Variants in ADCY7 observed in about 807,000 individuals in gnomAD.
The protein encoded by ADCY7 is adenylate cyclase type 7.
A neutral mutation model predicts 120.6 loss-of-function variants in ADCY7; 72 were observed. The observed-to-expected ratio is 0.60, with a 90% CI of 0.49 to 0.73. ADCY7 has a LOEUF of 0.73. Ranked by LOEUF, ADCY7 falls within the 30% of genes least tolerant of loss-of-function variation. The probability of loss-of-function intolerance (pLI) is 0.00; values close to 1 mark genes in which losing one functional copy is unlikely to be tolerated. For synonymous variants in ADCY7, 661 were observed against 628.0 expected (o/e 1.05, Z -0.78); for missense variants, 1,227 against 1,486.0 (o/e 0.83, Z 2.87).
At chr16:50,277,292 G>A (rs2033956709) in intron 1 of ADCY7, among the ~76,000 whole-genome samples, 1 of 152,110 alleles carries the variant, frequency 6.6e-6, no homozygotes, top group Non-Finnish European at 1.5e-5. Flanking sequence ...TTTCATACTT[G>A]TGACAATGTT....
upstream of ADCY7, among the ~76,000 whole-genome samples, chr16:50,262,149 G>C (rs114399545): frequency 7.5e-3 from 1,149 of 152,200 alleles, 15 homozygotes; most frequent in African/African-American, 0.026. Context: ...CCTACTGACT[G>C]TTTCATGGCC....
intron 22 of ADCY7, chr16:50,313,664 G>A (rs1392009009): frequency 5.8e-6 from 2 of 346,258 alleles, no homozygotes; most frequent in African/African-American, 4.2e-5. Context: ...TTCTTTGCTG[G>A]AGACAAAGAA....
intron 1 of ADCY7, among the ~76,000 whole-genome samples, chr16:50,249,907 G>T (rs1351832529): frequency 6.6e-6 from 1 of 150,580 alleles, no homozygotes; most frequent in African/African-American, 2.5e-5. Flanking sequence ...TGCAGAGGGA[G>T]CCCCTGTTCA....
intron 24 of ADCY7, 163 bp from the exon 25 acceptor site, chr16:50,314,851 C>T: frequency 3.2e-6 from 3 of 933,362 alleles, no homozygotes; most frequent in Non-Finnish European, 4.8e-6. Context: ...CCTCATACCC[C>T]AAGCCCGACT....
At chr16:50,251,684 G>A (rs1322009507) in intron 1 of ADCY7, among the ~76,000 whole-genome samples, 1 of 152,268 alleles carries the variant, frequency 6.6e-6, no homozygotes, top group Non-Finnish European at 1.5e-5. Context: ...ACCGGTGGAA[G>A]CTCGGCAGGG....
intron 10 of ADCY7, among the ~76,000 whole-genome samples, 193 bp downstream of exon 10, chr16:50,301,407 C>G (rs111981224): frequency 6.6e-6 from 1 of 152,212 alleles, no homozygotes; most frequent in African/African-American, 2.4e-5. Context: ...GGCCTCCATT[C>G]TTTTCTATGT....
chr16:50,306,996 G>T lies in ADCY7; in HGVS notation c.1753-54G>T. Reference sequence around the variant, plus strand: ...TTTAAAGCTGATTCACTGGAGGCAGGGTGGGCAAGTGGCACTGCTGGTGGC... The same window carrying T: ...TTTAAAGCTGATTCACTGGAGGCAGTGTGGGCAAGTGGCACTGCTGGTGGC... On this transcript the variant is annotated intron_variant, in intron 14 of 25. Coordinates refer to ENST00000673801, the MANE Select transcript of ADCY7 (RefSeq NM_001114.5). 4 of 1,405,258 alleles carry T rather than the reference G, an allele frequency of 2.8e-6. No homozygotes were observed. The South Asian group carries it at 4.7e-5, about 16-fold the overall frequency. The allele number at this position is 1,405,258 out of a possible 1,614,324, so 87.0% of individuals were successfully genotyped here.
chr16:50,268,065 G>A (rs2033332634), intron 1 of ADCY7, among the ~76,000 whole-genome samples: 1 of 152,072 alleles, frequency 6.6e-6, no homozygotes, highest in Non-Finnish European at 1.5e-5. Flanking sequence ...TGGAGGTAGC[G>A]TCTCCGGTGG....
chr16:50,268,013 T>A (rs930644877), intron 1 of ADCY7, among the ~76,000 whole-genome samples: 1 of 152,154 alleles, frequency 6.6e-6, no homozygotes, highest in Non-Finnish European at 1.5e-5. Context: ...TCTCAGATTG[T>A]TCCAGATTCT....
At chr16:50,309,138 G>T (rs1277901535) in intron 17 of ADCY7, 1 of 323,706 alleles carries the variant, frequency 3.1e-6, no homozygotes, top group East Asian at 5.7e-5. Context: ...GCTCAGTGCT[G>T]CAGAAAGCAG....
rs1404286118 is a variant in ADCY7, at chr16:50,317,828, ATTTCTCCTGAGTTAACT to A, written c.*2327_*2343del. The A allele has an allele frequency of 6.6e-6, 1 of 152,346 alleles. No individual in the cohort carries two copies. Among genetic ancestry groups the A allele is most frequent in the Non-Finnish European group, 1.5e-5 (1 of 68,028 alleles). 9.4% of individuals were successfully genotyped at this position (152,346 alleles called of 1,614,324 possible). On this transcript the variant is annotated 3_prime_UTR_variant, in exon 26 of 26. Coordinates refer to ENST00000673801, the MANE Select transcript of ADCY7 (RefSeq NM_001114.5). ...TCCATGGGTCAAGGACTTCCTTACA[ATTTCTCCTGAGTTAACT>A]TTTGTGAAAATAATACCTAAGGTTT...
chr16:50,288,457 T>G, intron 2 of ADCY7, 107 bp downstream of exon 2: 3 of 1,218,184 alleles, frequency 2.5e-6, no homozygotes, highest in Non-Finnish European at 3.3e-6. Flanking sequence ...TAAAATGCTA[T>G]GCTTTTTTGT....
At chr16:50,260,802 C>T (rs1041617234) in intron 1 of ADCY7, among the ~76,000 whole-genome samples, 1 of 152,170 alleles carries the variant, frequency 6.6e-6, no homozygotes. Context: ...GCTTGAGTGT[C>T]CTCGAGCCAT....
chr16:50,272,762 T>A (rs1381966326), intron 1 of ADCY7, among the ~76,000 whole-genome samples: 1 of 152,076 alleles, frequency 6.6e-6, no homozygotes, highest in Non-Finnish European at 1.5e-5. Context: ...TAGGCTGGGA[T>A]GAGACCTCCT....
In ADCY7 at chr16:50,288,277, C is replaced by T. The variant is rs982870279; in HGVS notation, c.98C>T (p.Pro33Leu). 6.4e-6 allele frequency: 10 copies of T among 1,551,020 alleles called. No homozygotes were observed. The highest frequency in any genetic ancestry group is 7.8e-6 in the Non-Finnish European group (9 of 1,146,940). Residue 33 changes from proline (P) to leucine (L), a missense_variant, in exon 2 of 26, where the codon CCG becomes CTG. By Grantham distance (98) the Pro-to-Leu change is moderately conservative. This residue lies in a region of ADCY7 where 382 missense variants were observed against 411.4 expected (regional missense o/e 0.93). Transcript: ENST00000673801. ...EKYQLTSQHG[P>L]LLLTLLLVAA... is the part of the protein sequence containing the mutation. Reference sequence around the variant, plus strand: ...TACCAGCTCACCAGCCAGCATGGGCCGCTGCTGCTCACGCTCCTGCTGGTG... The same window carrying T: ...TACCAGCTCACCAGCCAGCATGGGCTGCTGCTGCTCACGCTCCTGCTGGTG...
intron 1 of ADCY7, among the ~76,000 whole-genome samples, chr16:50,268,577 T>A (rs2033362916): frequency 6.6e-6 from 1 of 152,198 alleles, no homozygotes; most frequent in Admixed American, 6.5e-5. Flanking sequence ...CTAGTGCTGT[T>A]TTCATGAAAG....
intron 3 of ADCY7, among the ~76,000 whole-genome samples, 183 bp downstream of exon 3, chr16:50,290,843 C>T (rs935155017): frequency 1.3e-5 from 2 of 152,176 alleles, no homozygotes; most frequent in Non-Finnish European, 2.9e-5. Context: ...AGCATCCACT[C>T]GGACGCTGGG....
intron 1 of ADCY7, among the ~76,000 whole-genome samples, chr16:50,255,482 A>T (rs2032894099): frequency 6.7e-6 from 1 of 149,586 alleles, no homozygotes; most frequent in Non-Finnish European, 1.5e-5. Context: ...ATATATTTAC[A>T]GCCCAATGAT....
chr16:50,305,952 C>A, intron 14 of ADCY7, 103 bp downstream of exon 14: 2 of 1,160,026 alleles, frequency 1.7e-6, no homozygotes, highest in Non-Finnish European at 2.5e-6. Context: ...CCAAGACCGG[C>A]TAGGGGAGGG....
Sources: allele counts gnomAD v4.1 joint callset (sites outside exome capture counted in the v4.1 genomes callset), GRCh38; gene constraint gnomAD v4.1.1; regional missense constraint gnomAD v4.1.1; transcripts MANE v1.5; gene names NCBI Gene and HGNC (gene_info 2026-07-23, HGNC 2026-07-21).